The following CYP4X1 variants were observed in gnomAD, a reference collection of about 807,000 sequenced individuals.
The protein encoded by CYP4X1 is cytochrome P450 family 4 subfamily X member 1, also known as cytochrome P450 4X1.
Under a neutral mutation model 57.9 loss-of-function variants are expected in CYP4X1, and 44 were observed. The ratio of observed to expected loss-of-function variants is 0.76; its 90% confidence interval spans 0.60 to 0.98. The LOEUF is 0.98. Among genes scored for constraint, CYP4X1 ranks in the 50% least tolerant of loss-of-function variants. The pLI is 0.00. For missense variants in CYP4X1, 532 were observed against 623.9 expected (o/e 0.85, Z 1.57); for synonymous variants, 227 against 228.6 (o/e 0.99, Z 0.06).
At chr1:46,978,581 A>G in the CYP4X1 span, among the ~76,000 whole-genome samples, 1 of 152,026 alleles carries the variant, frequency 6.6e-6, no homozygotes, top group East Asian at 1.9e-4. Context: ...CAGAAGGTTA[A>G]CAAGGATATC....
the CYP4X1 span, among the ~76,000 whole-genome samples, chr1:46,986,754 CT>C: frequency 7.8e-4 from 118 of 151,246 alleles, no homozygotes; most frequent in Non-Finnish European, 1.2e-3. Flanking sequence ...AAAAGAATTT[CT>C]TTTCTTTCAT....
the CYP4X1 span, chr1:46,961,857 A>C: frequency 9.4e-7 from 1 of 1,061,790 alleles, no homozygotes; most frequent in Non-Finnish European, 1.2e-6. Context: ...TCAAACAGAC[A>C]ACCTGGCCTC....
chr1:46,983,747 C>T, the CYP4X1 span, among the ~76,000 whole-genome samples: 70 of 152,132 alleles, frequency 4.6e-4, no homozygotes, highest in Non-Finnish European at 2.5e-4. Context: ...GTGGGAGCTA[C>T]AGCAGTGGCA....
At chr1:46,977,967 T>C in the CYP4X1 span, among the ~76,000 whole-genome samples, 1 of 152,058 alleles carries the variant, frequency 6.6e-6, no homozygotes, top group East Asian at 1.9e-4. Context: ...CAAGAGCTCC[T>C]GAAGGAAGCA....
chr1:46,970,433 T>C, the CYP4X1 span, among the ~76,000 whole-genome samples: 6 of 152,156 alleles, frequency 3.9e-5, no homozygotes, highest in Non-Finnish European at 5.9e-5. Context: ...AAACTGAAGA[T>C]GCCACGTATG....
chr1:46,989,449 C>A, the CYP4X1 span, among the ~76,000 whole-genome samples: 3 of 152,108 alleles, frequency 2.0e-5, no homozygotes, highest in Non-Finnish European at 4.4e-5. Context: ...TAGGAAGAAT[C>A]AATATCATGA....
At chr1:46,961,683 A>C in the CYP4X1 span, 1 of 1,292,288 alleles carries the variant, frequency 7.7e-7, no homozygotes, top group Non-Finnish European at 1.0e-6. Context: ...CCTAGTCTCT[A>C]TTTGACCCAA....
the CYP4X1 span, among the ~76,000 whole-genome samples, chr1:46,992,932 A>G: frequency 6.6e-6 from 1 of 151,776 alleles, no homozygotes; most frequent in Non-Finnish European, 1.5e-5. Flanking sequence ...ATAATTATAG[A>G]CTTCCTTTTT....
At chr1:47,040,497 C>T (rs1644233637) in intron 8 of CYP4X1, among the ~76,000 whole-genome samples, 1 of 152,078 alleles carries the variant, frequency 6.6e-6, no homozygotes, top group Non-Finnish European at 1.5e-5. Flanking sequence ...TCAATTGAAA[C>T]ATTTGTAAAA....
chr1:47,020,770 T>C (rs1643987610), upstream of CYP4X1, among the ~76,000 whole-genome samples: 1 of 152,254 alleles, frequency 6.6e-6, no homozygotes, highest in South Asian at 2.1e-4. Context: ...TCATTTATTA[T>C]TAAGTAATAA....
At chr1:47,045,014 G>A (rs1468285304) in intron 8 of CYP4X1, among the ~76,000 whole-genome samples, 2 of 151,886 alleles carry the variant, frequency 1.3e-5, no homozygotes, top group Non-Finnish European at 2.9e-5. Flanking sequence ...TAGTAGAGAC[G>A]GGGTTTCTCC....
At chr1:47,031,383 T>G in intron 2 of CYP4X1, 53 bp from the exon 3 acceptor site, 1 of 1,599,726 alleles carries the variant, frequency 6.3e-7, no homozygotes, top group South Asian at 1.1e-5. Flanking sequence ...CTTGAACTGA[T>G]AATGAATGCT....
At chr1:47,016,270 TA>T in the CYP4X1 span, among the ~76,000 whole-genome samples, 2 of 151,804 alleles carry the variant, frequency 1.3e-5, no homozygotes, top group Non-Finnish European at 2.9e-5. Context: ...TTTTAAAGCC[TA>T]ATTAGGAAGA....
At chr1:47,031,273 A>G (rs1206502712) in intron 2 of CYP4X1, among the ~76,000 whole-genome samples, 163 bp from the exon 3 acceptor site, 1 of 152,244 alleles carries the variant, frequency 6.6e-6, no homozygotes, top group Non-Finnish European at 1.5e-5. Context: ...GACTAACACA[A>G]GTCTTTCCCC....
chr1:46,962,290 A>G, the CYP4X1 span, among the ~76,000 whole-genome samples: 2 of 151,784 alleles, frequency 1.3e-5, no homozygotes, highest in Admixed American at 6.6e-5. Flanking sequence ...CTAATTTTTC[A>G]TATTTTTAGT....
chr1:46,976,365 T>G, the CYP4X1 span, among the ~76,000 whole-genome samples: 1 of 152,078 alleles, frequency 6.6e-6, no homozygotes, highest in Admixed American at 6.5e-5. Context: ...AGTCCGAGAT[T>G]GAAGTGCTAG....
rs900509402 is a variant in CYP4X1 at position 47,023,936 on chromosome 1, T to C, written c.119T>C (p.Leu40Pro). The change falls in exon 1 of 12, where the codon CTG becomes CCG. Residue 40 changes from leucine (L) to proline (P), a missense_variant. Leu to Pro is a moderately conservative substitution (Grantham distance 98). Coordinates refer to ENST00000371901, the MANE Select transcript of CYP4X1 (RefSeq NM_178033.2). The part of the protein sequence containing the change: ...IKLYLRRQRL[L>P]RDLRPFPAPP... Reference sequence around the variant, plus strand: ...CTGTACCTGCGGAGGCAGCGGCTGCTGCGGGACCTGCGCCCCTTCCCAGCG... The same window carrying C: ...CTGTACCTGCGGAGGCAGCGGCTGCCGCGGGACCTGCGCCCCTTCCCAGCG... The C allele has an allele frequency of 6.2e-7, 1 of 1,613,390 alleles. No individual in the cohort carries two copies.
intron 3 of CYP4X1, among the ~76,000 whole-genome samples, chr1:47,032,978 G>A (rs115746946): frequency 1.8e-3 from 272 of 152,220 alleles, no homozygotes; most frequent in African/African-American, 6.2e-3. Context: ...CAGGATTAGC[G>A]TGCTAATCTT....
chr1:46,975,478 G>T, the CYP4X1 span, among the ~76,000 whole-genome samples: 1 of 151,718 alleles, frequency 6.6e-6, no homozygotes, highest in Non-Finnish European at 1.5e-5. Flanking sequence ...CTTTAAGGGT[G>T]CTAAATATAC....
Sources: allele counts gnomAD v4.1 joint callset (sites outside exome capture counted in the v4.1 genomes callset), GRCh38; gene constraint gnomAD v4.1.1; transcripts MANE v1.5; gene names NCBI Gene and HGNC (gene_info 2026-07-23, HGNC 2026-07-21).